Variants in GRM7 observed in about 807,000 individuals in gnomAD.
GRM7 encodes the protein glutamate metabotropic receptor 7.
A neutral mutation model predicts 84.5 loss-of-function variants in GRM7; 35 were observed. The ratio of observed to expected loss-of-function variants is 0.41; its 90% CI spans 0.32 to 0.55. The LOEUF (loss-of-function observed/expected upper bound fraction) is 0.55. Among genes scored for constraint, GRM7 ranks in the 20% least tolerant of loss-of-function variants. The pLI is 0.19. For missense variants in GRM7, 1,003 were observed against 1,194.6 expected, an observed-to-expected ratio of 0.84 and a Z score of 2.36; for synonymous variants, 487 against 455.1, an observed-to-expected ratio of 1.07 and a Z score of -0.89.
intron 1 of GRM7, among the ~76,000 whole-genome samples, chr3:7,114,848 G>A (rs967028411): frequency 9.2e-5 from 14 of 151,954 alleles, no homozygotes; most frequent in South Asian, 6.2e-4. Flanking sequence ...TCCTTTCATC[G>A]CTGATCTCAG....
intron 1 of GRM7, among the ~76,000 whole-genome samples, chr3:7,136,425 C>T (rs541235827): frequency 4.9e-5 from 7 of 143,606 alleles, no homozygotes; most frequent in Admixed American, 2.0e-4. Context: ...GGAACTAAGG[C>T]CTAAGAAAAA....
intron 8 of GRM7, among the ~76,000 whole-genome samples, chr3:7,622,868 T>A (rs1035559944): frequency 2.0e-5 from 3 of 152,124 alleles, no homozygotes; most frequent in African/African-American, 7.2e-5. Context: ...CCTGATGGTA[T>A]GTCATGGTGC....
intron 7 of GRM7, among the ~76,000 whole-genome samples, chr3:7,520,487 A>C (rs938292434): frequency 6.8e-6 from 1 of 147,874 alleles, no homozygotes; most frequent in Non-Finnish European, 1.5e-5. Flanking sequence ...TCTAAATTCA[A>C]ATGACTCTCT....
Position 7,737,936 on chromosome 3 carries a change from C to T in GRM7, c.2699-2421C>T, listed in dbSNP as rs541392131. Among the ~76,000 whole-genome samples the T allele has an allele frequency of 3.5e-3, 527 of 151,780 alleles. 4 individuals carry two copies. Among genetic ancestry groups the T allele is most frequent in the Non-Finnish European group, 5.8e-3 (392 of 67,956 alleles). ...AATCTCAGCTCACTGCAACCTCTGCCTCACGGGTTCAAGTGATTCTCCTGC... is the reference window on the plus strand; with the variant it reads ...AATCTCAGCTCACTGCAACCTCTGCTTCACGGGTTCAAGTGATTCTCCTGC... On this transcript the variant is annotated intron_variant, in intron 9 of 9. Coordinates refer to ENST00000357716, the MANE Select transcript of GRM7 (RefSeq NM_000844.4).
rs1220969149 is a variant in GRM7 at position 6,862,730 on chromosome 3, GC to G, written c.519+829del. 12 of 228,308 alleles carry G rather than the reference GC, an allele frequency of 5.3e-5. No individual in the cohort carries two copies. The highest frequency in any genetic ancestry group is 8.5e-5 in the Non-Finnish European group (10 of 117,026). The allele number at this position is 228,308 out of a possible 1,614,324, so 14.1% of individuals were successfully genotyped here. The stretch of plus-strand genomic sequence containing the variant: ...CCCTGCCTCCTCCCTCCTCCCCCCC[GC>G]CCCCCTCACCCACTATCTCCCTGAC... On this transcript the variant is annotated intron_variant, in intron 1 of 9. Coordinates refer to ENST00000357716, the MANE Select transcript of GRM7 (RefSeq NM_000844.4). This position sits in a 1 kb window ranked among gnomAD's most constrained non-coding sequence, Gnocchi z 5.2.
chr3:7,399,135 T>A (rs1695339752), intron 4 of GRM7, among the ~76,000 whole-genome samples: 1 of 151,640 alleles, frequency 6.6e-6, no homozygotes, highest in Non-Finnish European at 1.5e-5. Context: ...TTAAGCTTAG[T>A]GATTTGGAAA....
In GRM7 at chr3:6,861,519, G is replaced by A; in HGVS notation, c.131G>A (p.Arg44Gln). ...GAGATGTACGCCCCGCACTCAATCC[G>A]GATCGAGGGGGACGTCACCCTCGGG... ...GQEMYAPHSI[R>Q]IEGDVTLGGL... The change falls in exon 1 of 10, where the codon CGG becomes CAG. Residue 44 changes from arginine to glutamine, a missense_variant. This residue lies in a region of GRM7 where 93 missense variants were observed against 68.6 expected (regional missense o/e 1.36). Transcript: ENST00000357716. The surrounding 1 kb of genome is among the most constrained non-coding windows in gnomAD (Gnocchi z 6.4). 6.3e-7 allele frequency: 1 copy of A among 1,576,438 alleles called. No individual in the cohort carries two copies. The highest frequency in any genetic ancestry group is 8.6e-7 in the Non-Finnish European group (1 of 1,162,380).
intron 1 of GRM7, among the ~76,000 whole-genome samples, chr3:6,966,159 T>A (rs17694866): frequency 0.06 from 9,189 of 152,280 alleles, 541 homozygotes; most frequent in African/African-American, 0.14. Flanking sequence ...TCCATCAGTA[T>A]GAGCTAGATT....
chr3:7,084,219 A>G (rs1698368118), intron 1 of GRM7, among the ~76,000 whole-genome samples: 2 of 152,140 alleles, frequency 1.3e-5, no homozygotes, highest in African/African-American at 4.8e-5. Context: ...GAAATAGTAG[A>G]GGCAACAGGC....
intron 4 of GRM7, among the ~76,000 whole-genome samples, chr3:7,373,906 T>A (rs1265462645): frequency 6.6e-6 from 1 of 152,234 alleles, no homozygotes; most frequent in African/African-American, 2.4e-5. Context: ...ACTGCATTTT[T>A]ATTTAACCTT....
intron 1 of GRM7, among the ~76,000 whole-genome samples, chr3:7,063,155 G>T (rs1339886597): frequency 6.6e-6 from 1 of 151,728 alleles, no homozygotes; most frequent in African/African-American, 2.4e-5. Context: ...ACTCCCTGAT[G>T]CATGGGTATG....
chr3:7,310,926 T>C (rs1700368533), intron 4 of GRM7, among the ~76,000 whole-genome samples: 1 of 152,176 alleles, frequency 6.6e-6, no homozygotes, highest in Admixed American at 6.5e-5. Context: ...CCATTATAAG[T>C]CTCATCTACC....
chr3:7,666,423 A>G (rs1165553678), intron 8 of GRM7, among the ~76,000 whole-genome samples: 2 of 152,316 alleles, frequency 1.3e-5, no homozygotes, highest in South Asian at 2.1e-4. Context: ...GAAGTCTTTG[A>G]AGGATGTCTT....
At chr3:7,596,431 G>A (rs111320492) in intron 8 of GRM7, among the ~76,000 whole-genome samples, 1 of 152,302 alleles carries the variant, frequency 6.6e-6, no homozygotes, top group African/African-American at 2.4e-5. Context: ...GAGACTAGAT[G>A]AGATCATGTA....
chr3:7,539,889 G>A (rs891309585), intron 7 of GRM7, among the ~76,000 whole-genome samples: 3 of 152,154 alleles, frequency 2.0e-5, no homozygotes, highest in South Asian at 2.1e-4. Flanking sequence ...TATGTCTGTG[G>A]CACACTAAAG....
At chr3:7,690,002 C>A (rs531490286) in intron 9 of GRM7, among the ~76,000 whole-genome samples, 1 of 152,236 alleles carries the variant, frequency 6.6e-6, no homozygotes, top group South Asian at 2.1e-4. Context: ...GAGACCATCA[C>A]CCGGGATGTT....
At chr3:7,427,854 G>T (rs1327122729) in intron 5 of GRM7, among the ~76,000 whole-genome samples, 2 of 152,196 alleles carry the variant, frequency 1.3e-5, no homozygotes, top group African/African-American at 2.4e-5. Context: ...GGTCAGCGAG[G>T]TTAATGACAT....
intron 9 of GRM7, among the ~76,000 whole-genome samples, chr3:7,726,599 G>GTC (rs1161815322): frequency 2.8e-4 from 21 of 74,608 alleles, no homozygotes; most frequent in East Asian, 4.1e-4. Flanking sequence ...CATTTTCTCC[G>GTC]TCTCTCTCTC....
intron 1 of GRM7, among the ~76,000 whole-genome samples, chr3:7,055,530 C>T (rs990913277): frequency 1.3e-5 from 2 of 150,140 alleles, no homozygotes; most frequent in Admixed American, 6.7e-5. Flanking sequence ...TATACATACA[C>T]ACACATTTAA....
Sources: allele counts gnomAD v4.1 joint callset (sites outside exome capture counted in the v4.1 genomes callset), GRCh38; gene constraint gnomAD v4.1.1; regional missense constraint gnomAD v4.1.1; non-coding constraint Gnocchi (gnomAD v3.1); transcripts MANE v1.5; gene names NCBI Gene and HGNC (gene_info 2026-07-23, HGNC 2026-07-21).